The following GYS2 variants were observed in gnomAD, a reference collection of about 807,000 sequenced individuals.
GYS2 encodes glycogen synthase 2.
GYS2 carries 80 observed loss-of-function variants against 85.6 expected under a neutral mutation model. The ratio of observed to expected loss-of-function variants is 0.93; its 90% CI spans 0.78 to 1.13. GYS2 has a LOEUF of 1.13. Ranked by LOEUF, GYS2 falls within the 50% of genes most tolerant of loss-of-function variation. The probability of loss-of-function intolerance (pLI) is 0.00; values close to 1 mark genes in which losing one functional copy is unlikely to be tolerated. For synonymous variants in GYS2, 328 were observed against 300.7 expected (o/e 1.09, Z -0.94); for missense variants, 881 against 854.9 (o/e 1.03, Z -0.38).
chr12:21,573,209 ATTAT>A (rs1261119653), intron 4 of GYS2, among the ~76,000 whole-genome samples: 1 of 152,224 alleles, frequency 6.6e-6, no homozygotes, highest in Non-Finnish European at 1.5e-5. Flanking sequence ...TTTCAGTGGC[ATTAT>A]TTGAGTATTA....
At chr12:21,534,589 AAAGAAAGAAAAAAGAGAGAAGGT>A (rs1391326800), downstream of GYS2, among the ~76,000 whole-genome samples, 10 of 152,114 alleles carry the variant, frequency 6.6e-5, no homozygotes, top group East Asian at 1.9e-4. Context: ...GGAAAGAAGG[AAAGAAAGAAAAAAGAGAGAAGGT>A]AAGAAAGAAA....
intron 2 of GYS2, among the ~76,000 whole-genome samples, chr12:21,579,161 C>T (rs1254045905): frequency 6.6e-6 from 1 of 152,128 alleles, no homozygotes; most frequent in Non-Finnish European, 1.5e-5. Context: ...AAAATTCTCT[C>T]CTCCCTTGAC....
At chr12:21,600,601 G>T (rs1944745297) in intron 1 of GYS2, among the ~76,000 whole-genome samples, 1 of 152,160 alleles carries the variant, frequency 6.6e-6, no homozygotes, top group African/African-American at 2.4e-5. Context: ...GAGTAGCCTA[G>T]TATTAAACTT....
chr12:21,539,228 C>T, intron 15 of GYS2, 30 bp downstream of exon 15: 1 of 1,163,842 alleles, frequency 8.6e-7, no homozygotes, highest in Non-Finnish European at 1.3e-6. Context: ...AGAAATATAG[C>T]TTTCAAAAAA....
rs778107187 is a variant in GYS2, at chr12:21,575,869, T to C, written c.492A>G (p.Lys164=). 6.2e-7 allele frequency: 1 copy of C among 1,611,380 alleles called. No individual in the cohort carries two copies. Among genetic ancestry groups the C allele is most frequent in the Admixed American group, 1.7e-5 (1 of 60,008 alleles). ...IFGSLTAWFL[K]EVTDHADGKY... ...ATCACTATATAATAAACCATACCTCTTTTAAGAACCAGGCAGTTAAAGATC... is the reference window on the plus strand; with the variant it reads ...ATCACTATATAATAAACCATACCTCCTTTAAGAACCAGGCAGTTAAAGATC... The change falls in exon 3 of 16, where the codon AAA becomes AAG. Residue 164 remains lysine, a synonymous_variant. Transcript: ENST00000261195.
intron 1 of GYS2, among the ~76,000 whole-genome samples, chr12:21,599,868 C>G (rs1175729549): frequency 6.6e-6 from 1 of 152,072 alleles, no homozygotes; most frequent in African/African-American, 2.4e-5. Context: ...TAAGCTAATA[C>G]CTACAGAGTG....
intron 1 of GYS2, among the ~76,000 whole-genome samples, chr12:21,590,805 C>T (rs979951314): frequency 1.3e-5 from 2 of 152,302 alleles, no homozygotes; most frequent in East Asian, 3.9e-4. Flanking sequence ...GTCTCCAGCA[C>T]AACCTCATCA....
chr12:21,575,956 C>T lies in GYS2; in HGVS notation c.405G>A (p.Trp135Ter). ...AAGGAATGCCGACACTGCATGCTTC[C>T]CAGAGGTCACCCTTCCACCTGTCCA... ...WNLDRWKGDL[W>*]EACSVGIPYH... The change falls in exon 3 of 16, where the codon TGG becomes TGA. Residue 135 changes from tryptophan to a stop codon, truncating the protein, a stop_gained. Coordinates refer to ENST00000261195, the MANE Select transcript of GYS2 (RefSeq NM_021957.4). LOFTEE classifies it high-confidence loss of function. 1 of 1,613,778 alleles carries T rather than the reference C, an allele frequency of 6.2e-7. No individual in the cohort carries two copies.
downstream of GYS2, chr12:21,532,782 CAACT>C (rs1352837898): frequency 1.3e-5 from 2 of 152,174 alleles, no homozygotes; most frequent in Non-Finnish European, 2.9e-5. Context: ...ATTCTTCCTA[CAACT>C]AACCAGAACA....
chr12:21,533,602 C>T (rs1943884581), downstream of GYS2, among the ~76,000 whole-genome samples: 1 of 152,176 alleles, frequency 6.6e-6, no homozygotes, highest in South Asian at 2.1e-4. Flanking sequence ...AGTGAAGACT[C>T]TTCGGACCTC....
chr12:21,575,149 A>T (rs1416100003), intron 3 of GYS2, among the ~76,000 whole-genome samples: 1 of 152,176 alleles, frequency 6.6e-6, no homozygotes, highest in Non-Finnish European at 1.5e-5. Flanking sequence ...AGCCAACAAA[A>T]TTTAACTGAT....
chr12:21,569,977 C>T (rs1006752522), intron 4 of GYS2, among the ~76,000 whole-genome samples: 1 of 152,082 alleles, frequency 6.6e-6, no homozygotes, highest in Non-Finnish European at 1.5e-5. Flanking sequence ...CCTTAATCAG[C>T]CTGACTGATT....
chr12:21,587,685 A>T (rs1247072157), intron 1 of GYS2, among the ~76,000 whole-genome samples: 1 of 152,136 alleles, frequency 6.6e-6, no homozygotes, highest in African/African-American at 2.4e-5. Context: ...CAGCATGATA[A>T]CGAACTAGTA....
chr12:21,597,854 T>C (rs918354027), intron 1 of GYS2, among the ~76,000 whole-genome samples: 20 of 152,120 alleles, frequency 1.3e-4, no homozygotes, highest in African/African-American at 4.8e-4. Context: ...CAATTGAATA[T>C]TATTCAACCA....
At position 21,542,531 on chromosome 12, in the gene GYS2, A is replaced by T. The variant is rs1943990709; in HGVS notation, c.1610T>A (p.Phe537Tyr). 1.2e-6 allele frequency: 2 copies of T among 1,613,632 alleles called. No individual in the cohort carries two copies. Among genetic ancestry groups the T allele is most frequent in the East Asian group, 2.2e-5 (1 of 44,880 alleles). ...AGGATCAGCCACGTGCTCCTGCATG[A>T]AACAGCCAAACCCGGAGAGATTCGT... The part of the protein sequence containing the change: ...VTTNLSGFGC[F>Y]MQEHVADPTA... Residue 537 changes from phenylalanine to tyrosine, a missense_variant, in exon 13 of 16, where the codon TTC becomes TAC. By Grantham distance (22) the Phe-to-Tyr change is conservative. Transcript: ENST00000261195.
rs1944353404 is a variant in GYS2 at position 21,568,851 on chromosome 12, G to A, written c.823+14C>T. 1 of 1,606,818 alleles carries A rather than the reference G, an allele frequency of 6.2e-7. No homozygotes were observed. The highest frequency in any genetic ancestry group is 8.5e-7 in the Non-Finnish European group (1 of 1,173,378). On this transcript the variant is annotated intron_variant, in intron 5 of 15. Transcript: ENST00000261195. Reference sequence around the variant, plus strand: ...TCGGAACTGAAAGATAGGTGATCCAGGGATAATAATTACCAGGCTTTCTCT... The same window carrying A: ...TCGGAACTGAAAGATAGGTGATCCAAGGATAATAATTACCAGGCTTTCTCT...
At position 21,587,810 on chromosome 12, in the gene GYS2, G is replaced by T. The variant is rs113638171; in HGVS notation, c.122-7287C>A. 3.3e-5 allele frequency among the ~76,000 whole-genome samples: 5 copies of T among 152,140 alleles called. 1 individual carries two copies. Among genetic ancestry groups the T allele is most frequent in the Admixed American group, 6.6e-5 (1 of 15,266 alleles). ...CACTTAATGGGGTAATTAAAAGGGTGAAGAAATTGGGCAAATGGATGTCAT... is the reference window on the plus strand; with the variant it reads ...CACTTAATGGGGTAATTAAAAGGGTTAAGAAATTGGGCAAATGGATGTCAT... On this transcript the variant is annotated intron_variant, in intron 1 of 15. Transcript: ENST00000261195.
intron 11 of GYS2, among the ~76,000 whole-genome samples, chr12:21,552,170 G>A (rs1368310005): frequency 6.6e-6 from 1 of 152,016 alleles, no homozygotes. Context: ...TAGATCAGTA[G>A]GAAAAACAAA....
At chr12:21,546,591 GA>G (rs1944043171) in intron 11 of GYS2, 121 bp from the exon 12 acceptor site, 2 of 636,598 alleles carry the variant, frequency 3.1e-6, no homozygotes, top group South Asian at 3.8e-5. Flanking sequence ...GATTCAGAAA[GA>G]AAAAAAGAGA....
Sources: gnomAD v4.1 joint callset for allele counts (sites outside exome capture counted in the v4.1 genomes callset) on GRCh38, gnomAD v4.1.1 for gene constraint, MANE v1.5 for transcripts, NCBI Gene and HGNC (gene_info 2026-07-23, HGNC 2026-07-21) for gene names.